GRM8: variants seen among roughly 807,000 people sequenced by gnomAD.
GRM8 encodes glutamate metabotropic receptor 8.
In GRM8, 47 loss-of-function variants were observed where a neutral mutation model predicts 87.2. The ratio of observed to expected loss-of-function variants is 0.54; its 90% confidence interval spans 0.43 to 0.69. The LOEUF (loss-of-function observed/expected upper bound fraction) is 0.69. GRM8 is among the 30% of genes least tolerant of loss of function. GRM8 has a pLI of 0.00. For synonymous variants in GRM8, 396 were observed against 404.5 expected (o/e 0.98, Z 0.25); for missense variants, 1,019 against 1,139.2 (o/e 0.89, Z 1.52).
intron 7 of GRM8, among the ~76,000 whole-genome samples, chr7:126,713,343 A>C (rs1305693254): frequency 6.6e-6 from 1 of 151,686 alleles, no homozygotes; most frequent in Non-Finnish European, 1.5e-5. Context: ...AACTAACACA[A>C]GAACAGAAAA....
At chr7:126,676,933 C>T (rs1466649192) in intron 7 of GRM8, among the ~76,000 whole-genome samples, 2 of 152,050 alleles carry the variant, frequency 1.3e-5, no homozygotes, top group African/African-American at 4.8e-5. Context: ...ATACAACCCA[C>T]AAAATGCGAG....
chr7:126,566,399 A>G (rs1794219411), intron 8 of GRM8, among the ~76,000 whole-genome samples: 1 of 152,200 alleles, frequency 6.6e-6, no homozygotes, highest in Non-Finnish European at 1.5e-5. Context: ...AGATCTACAA[A>G]TGGACAATAG....
At chr7:127,044,411 C>T (rs182474586) in intron 3 of GRM8, among the ~76,000 whole-genome samples, 23 of 152,254 alleles carry the variant, frequency 1.5e-4, no homozygotes, top group African/African-American at 5.1e-4. Flanking sequence ...GATGCATCTA[C>T]TTTTCCACAT....
At chr7:127,247,148 G>T (rs1243496776) in intron 1 of GRM8, among the ~76,000 whole-genome samples, 1 of 152,168 alleles carries the variant, frequency 6.6e-6, no homozygotes, top group African/African-American at 2.4e-5. Context: ...TTCCAGGGAG[G>T]TGATTTCTGA....
At chr7:126,892,499 G>A (rs545707636) in intron 6 of GRM8, among the ~76,000 whole-genome samples, 1 of 152,064 alleles carries the variant, frequency 6.6e-6, no homozygotes, top group Admixed American at 6.6e-5. Flanking sequence ...GTATTCCATG[G>A]TGTATATGTG....
At chr7:126,859,186 T>C (rs1797943409) in intron 6 of GRM8, among the ~76,000 whole-genome samples, 1 of 151,774 alleles carries the variant, frequency 6.6e-6, no homozygotes, top group South Asian at 2.1e-4. Flanking sequence ...CTTCCCTCTC[T>C]GGTTCACCAC....
At chr7:126,528,813 A>G (rs972976260) in intron 9 of GRM8, among the ~76,000 whole-genome samples, 1 of 152,154 alleles carries the variant, frequency 6.6e-6, no homozygotes, top group Non-Finnish European at 1.5e-5. Flanking sequence ...TACCACCTAT[A>G]GATACATAGC....
At chr7:126,614,439 G>C (rs953627021) in intron 7 of GRM8, among the ~76,000 whole-genome samples, 1 of 152,100 alleles carries the variant, frequency 6.6e-6, no homozygotes. Context: ...AAACAGAGCT[G>C]AAAAGCTGAA....
rs556317235 is a variant in GRM8 at position 126,892,763 on chromosome 7, A to G, written c.1156+9779T>C. Among the ~76,000 whole-genome samples the G allele has an allele frequency of 1.6e-3, 242 of 152,168 alleles. 2 individuals are homozygous for G. Among genetic ancestry groups the G allele is most frequent in the African/African-American group, 5.6e-3 (231 of 41,520 alleles). On this transcript the variant is annotated intron_variant, in intron 6 of 10. Coordinates refer to ENST00000339582, the MANE Select transcript of GRM8 (RefSeq NM_000845.3). ...TTTACAGTCCCACCAACAGTGTAAAAGTGTTCCTATTTCTCCACATCCTCT... is the reference window on the plus strand; with the variant it reads ...TTTACAGTCCCACCAACAGTGTAAAGGTGTTCCTATTTCTCCACATCCTCT...
chr7:126,818,968 C>T (rs921988290), intron 6 of GRM8, among the ~76,000 whole-genome samples: 1 of 152,072 alleles, frequency 6.6e-6, no homozygotes, highest in African/African-American at 2.4e-5. Context: ...CCTGTCACTT[C>T]CACCTTCTGA....
intron 6 of GRM8, among the ~76,000 whole-genome samples, chr7:126,801,038 G>C (rs917938978): frequency 6.6e-6 from 1 of 151,842 alleles, no homozygotes; most frequent in African/African-American, 2.4e-5. Flanking sequence ...AAATCTAAAT[G>C]GCCAAGCTTA....
intron 3 of GRM8, among the ~76,000 whole-genome samples, chr7:127,062,741 A>G (rs1049876516): frequency 6.6e-6 from 1 of 151,958 alleles, no homozygotes; most frequent in African/African-American, 2.4e-5. Context: ...CAGTCTTGGG[A>G]GGGTGTAATT....
At chr7:126,503,728 G>A (rs138078597) in intron 9 of GRM8, among the ~76,000 whole-genome samples, 9 of 152,096 alleles carry the variant, frequency 5.9e-5, no homozygotes, top group African/African-American at 2.2e-4. Flanking sequence ...TCACCAAATA[G>A]CAGTGTGTAT....
At chr7:126,475,939 TATATC>T (rs1378832235) in intron 9 of GRM8, among the ~76,000 whole-genome samples, 1 of 152,206 alleles carries the variant, frequency 6.6e-6, no homozygotes, top group Non-Finnish European at 1.5e-5. Flanking sequence ...AGTTTTATCT[TATATC>T]ATACATAAAA....
chr7:127,210,526 T>C (rs1490778980), intron 2 of GRM8, among the ~76,000 whole-genome samples: 1 of 152,010 alleles, frequency 6.6e-6, no homozygotes. Flanking sequence ...CTTTAAAGAG[T>C]TCTAATAATT....
intron 6 of GRM8, among the ~76,000 whole-genome samples, chr7:126,784,887 C>A (rs1447879416): frequency 6.6e-6 from 1 of 152,158 alleles, no homozygotes; most frequent in Non-Finnish European, 1.5e-5. Flanking sequence ...CAATAAAGAA[C>A]ATGCCCACGT....
intron 7 of GRM8, among the ~76,000 whole-genome samples, chr7:126,711,166 C>T (rs546544503): frequency 6.6e-6 from 1 of 152,186 alleles, no homozygotes; most frequent in Non-Finnish European, 1.5e-5. Context: ...CACAGTGAGA[C>T]TGTCTCAAAA....
chr7:127,215,668 A>G (rs556981443), intron 2 of GRM8, among the ~76,000 whole-genome samples: 4 of 152,330 alleles, frequency 2.6e-5, no homozygotes, highest in Non-Finnish European at 4.4e-5. Context: ...GCTTAGCTAC[A>G]TATTTAAAAG....
At chr7:127,105,746 C>A (rs2133071891) in intron 3 of GRM8, among the ~76,000 whole-genome samples, 1 of 152,228 alleles carries the variant, frequency 6.6e-6, no homozygotes, top group East Asian at 1.9e-4. Flanking sequence ...ATACTTAATT[C>A]ACAAAGATAT....
Sources: gnomAD v4.1 joint callset for allele counts (sites outside exome capture counted in the v4.1 genomes callset) on GRCh38, gnomAD v4.1.1 for gene constraint, MANE v1.5 for transcripts, NCBI Gene and HGNC (gene_info 2026-07-23, HGNC 2026-07-21) for gene names.